Variants in CKAP5 observed in about 807,000 individuals in gnomAD.
The protein encoded by CKAP5 is cytoskeleton associated protein 5.
A neutral mutation model predicts 232.8 loss-of-function variants in CKAP5; 27 were observed. The observed-to-expected ratio is 0.12, with a 90% CI of 0.09 to 0.16. The LOEUF is 0.16. Among genes scored for constraint, CKAP5 ranks in the 10% least tolerant of loss-of-function variants. The probability of loss-of-function intolerance (pLI) is 1.00; values close to 1 mark genes in which losing one functional copy is unlikely to be tolerated. For missense variants in CKAP5, 1,838 were observed against 2,424.7 expected, an observed-to-expected ratio of 0.76 and a Z score of 5.08; for synonymous variants, 785 against 841.1, an observed-to-expected ratio of 0.93 and a Z score of 1.16.
In CKAP5 at chr11:46,778,547, G is replaced by A. The variant is rs1345822111; in HGVS notation, c.2486C>T (p.Thr829Ile). 1 of 1,613,960 alleles carries A rather than the reference G, an allele frequency of 6.2e-7. No homozygotes were observed. Among genetic ancestry groups the A allele is most frequent in the Non-Finnish European group, 8.5e-7 (1 of 1,179,912 alleles). The change falls in exon 21 of 44, where the codon ACA becomes ATA. Residue 829 changes from threonine (T) to isoleucine (I), a missense_variant. Coordinates refer to ENST00000529230, the MANE Select transcript of CKAP5 (RefSeq NM_001008938.4). ...APTRGISKHS[T>I]SGTDEGEDGD... ...ATCTTCTCCTTCATCTGTACCACTT[G>A]TGCTATGCTTGGAAATTCCTCTGGT...
chr11:46,818,177 T>A, intron 3 of CKAP5, 133 bp downstream of exon 3: 1 of 584,414 alleles, frequency 1.7e-6, no homozygotes, highest in Non-Finnish European at 2.7e-6. Flanking sequence ...AAAACAAGTA[T>A]CAAGAAACTA....
chr11:46,763,138 A>G lies in CKAP5; in HGVS notation c.3729T>C (p.Asp1243=), dbSNP rs141885902. ...SEKEGVIGCL[D]LILKWLTLRF... ...TCAGGGTAAGCCACTTTAAGATAAGATCCAGGCAACCAATAACTCCTTCTT... is the reference window on the plus strand; with the variant it reads ...TCAGGGTAAGCCACTTTAAGATAAGGTCCAGGCAACCAATAACTCCTTCTT... The change falls in exon 30 of 44, where the codon GAT becomes GAC. Residue 1243 remains aspartate, a synonymous_variant. Coordinates refer to ENST00000529230, the MANE Select transcript of CKAP5 (RefSeq NM_001008938.4). The G allele has an allele frequency of 3.0e-4, 481 of 1,613,900 alleles. 2 individuals carry two copies. The African/African-American group carries it at 6.0e-3, about 20-fold the overall frequency.
In CKAP5 at chr11:46,767,598, G is replaced by C. The variant is rs764871974; in HGVS notation, c.3388C>G (p.Pro1130Ala). The change falls in exon 27 of 44, where the codon CCA becomes GCA. Residue 1130 changes from proline (P) to alanine (A), a missense_variant. Pro to Ala is a conservative substitution (Grantham distance 27). This residue lies in a region of CKAP5 where 767 missense variants were observed against 954.6 expected (regional missense o/e 0.80). Coordinates refer to ENST00000529230, the MANE Select transcript of CKAP5 (RefSeq NM_001008938.4). ...ACCTTTGCTTTAGAGGATAATCCTGGAGCTTTGGCCTTTTTTGGATCAGGT... is the reference window on the plus strand; with the variant it reads ...ACCTTTGCTTTAGAGGATAATCCTGCAGCTTTGGCCTTTTTTGGATCAGGT... The part of the protein sequence containing the change: ...PKPDPKKAKA[P>A]GLSSKAKSAQ... The C allele has an allele frequency of 6.2e-6, 10 of 1,612,232 alleles. No homozygotes were observed. The South Asian group carries it at 7.7e-5, about 12-fold the overall frequency.
At chr11:46,808,716 T>C (rs927530491) in intron 7 of CKAP5, among the ~76,000 whole-genome samples, 1 of 152,196 alleles carries the variant, frequency 6.6e-6, no homozygotes, top group African/African-American at 2.4e-5. Flanking sequence ...AGGCAAACGT[T>C]AGTAAGCAGA....
rs150264341 is a variant in CKAP5, at chr11:46,809,833, A to C, written c.672T>G (p.Ser224Arg). The C allele has an allele frequency of 6.2e-7, 1 of 1,612,988 alleles. No individual in the cohort carries two copies. Residue 224 changes from serine (S) to arginine (R), a missense_variant, in exon 6 of 44, where the codon AGT (serine) becomes AGG (arginine). Physicochemically the swap from Ser to Arg is moderately radical, Grantham distance 110. Transcript: ENST00000529230. ...GAAGAAATCGAGTAGGTCTAGGAGC[A>C]CTTGTTGGCAGTTTGACCCATTCTT... ...LEEEWVKLPT[S>R]APRPTRFLRS...
At chr11:46,784,428 C>A in intron 17 of CKAP5, 60 bp downstream of exon 17, 1 of 1,375,620 alleles carries the variant, frequency 7.3e-7, no homozygotes, top group South Asian at 1.3e-5. Context: ...AATTAGTAAG[C>A]TTAAAGTTTG....
In CKAP5 at chr11:46,798,494, T is replaced by C. The variant is rs140336784; in HGVS notation, c.1084-322A>G. On this transcript the variant is annotated intron_variant, in intron 9 of 43. Coordinates refer to ENST00000529230, the MANE Select transcript of CKAP5 (RefSeq NM_001008938.4). The stretch of plus-strand genomic sequence containing the variant: ...ACTTGGGAGGCTGAGGTGGGAGGAT[T>C]ACTTGAACCCAGGAGGTCAAAGCTG... Among the ~76,000 whole-genome samples, 419 of 151,288 alleles carry C rather than the reference T, an allele frequency of 2.8e-3. 2 individuals carry two copies. Among genetic ancestry groups the C allele is most frequent in the African/African-American group, 9.6e-3 (397 of 41,186 alleles).
Position 46,818,424 on chromosome 11 carries a change from C to G in CKAP5, c.137G>C (p.Trp46Ser), listed in dbSNP as rs1178005594. The change falls in exon 3 of 44, where the codon TGG (tryptophan) becomes TCG (serine). Residue 46 changes from tryptophan (W) to serine (S), a missense_variant. Physicochemically the swap from Trp to Ser is radical, Grantham distance 177. This residue lies in a region of CKAP5 where 285 missense variants were observed against 300.0 expected (regional missense o/e 0.95). Transcript: ENST00000529230. ...TTTGATCAATCCTAAAAATTTGGAC[C>G]ACTCTGGGCTCTTTTCATCCTTTAT... The part of the protein sequence containing the change: ...QKIKDEKSPE[W>S]SKFLGLIKKF... The G allele has an allele frequency of 6.2e-7, 1 of 1,611,182 alleles. No individual in the cohort carries two copies. Among genetic ancestry groups the G allele is most frequent in the Admixed American group, 1.7e-5 (1 of 59,488 alleles).
intron 20 of CKAP5, among the ~76,000 whole-genome samples, chr11:46,778,910 A>G (rs61897303): frequency 0.15 from 22,589 of 152,104 alleles, 2,559 homozygotes; most frequent in African/African-American, 0.32. Flanking sequence ...CCTCGTCTAT[A>G]CTAAAAATAC....
chr11:46,750,445 G>A lies in CKAP5; in HGVS notation c.5545-12C>T. 1 of 1,613,860 alleles carries A rather than the reference G, an allele frequency of 6.2e-7. No homozygotes were observed. Among genetic ancestry groups the A allele is most frequent in the Non-Finnish European group, 8.5e-7 (1 of 1,179,844 alleles). ...AACTCTGCTAGTCCCTGGTGAACAG[G>A]AAAAGGGAAGAGGTGGGGATGAATG... On this transcript the variant is annotated splice_polypyrimidine_tract_variant and intron_variant, in intron 41 of 43. Transcript: ENST00000529230.
Position 46,762,778 on chromosome 11 carries a change from A to C in CKAP5, c.3892-16T>G. The C allele has an allele frequency of 1.2e-6, 2 of 1,612,446 alleles. No individual in the cohort carries two copies. The highest frequency in any genetic ancestry group is 1.1e-5 in the South Asian group (1 of 90,866). On this transcript the variant is annotated splice_polypyrimidine_tract_variant and intron_variant, in intron 30 of 43. Transcript: ENST00000529230. Reference sequence around the variant, plus strand: ...GTTCTCCAACCTAGTCGATAAGGAAAATAATGATTAAGTGAGGCATTTCCT... The same window carrying C: ...GTTCTCCAACCTAGTCGATAAGGAACATAATGATTAAGTGAGGCATTTCCT...
chr11:46,767,742 T>C (rs150426320), intron 26 of CKAP5, 79 bp from the exon 27 acceptor site: 376 of 856,374 alleles, frequency 4.4e-4, no homozygotes, highest in Non-Finnish European at 5.9e-4. Context: ...TATATAATGA[T>C]GACAAGGAAG....
chr11:46,765,292 G>A, intron 27 of CKAP5, 36 bp from the exon 28 acceptor site: 1 of 1,557,244 alleles, frequency 6.4e-7, no homozygotes, highest in Non-Finnish European at 8.7e-7. Flanking sequence ...GATTAGCTTG[G>A]CCACTTCTCC....
chr11:46,777,981 A>C (rs1167227916), intron 22 of CKAP5, among the ~76,000 whole-genome samples, 158 bp downstream of exon 22: 1 of 152,212 alleles, frequency 6.6e-6, no homozygotes, highest in East Asian at 1.9e-4. Flanking sequence ...AACTACCATC[A>C]TATCTTGAGA....
chr11:46,774,258 A>C (rs908746460), intron 24 of CKAP5, among the ~76,000 whole-genome samples: 1 of 152,186 alleles, frequency 6.6e-6, no homozygotes, highest in Non-Finnish European at 1.5e-5. Flanking sequence ...ATCATGAGCA[A>C]ACTCCCATTC....
At chr11:46,844,501 T>A (rs1395049207) in intron 1 of CKAP5, among the ~76,000 whole-genome samples, 1 of 152,162 alleles carries the variant, frequency 6.6e-6, no homozygotes, top group Non-Finnish European at 1.5e-5. Flanking sequence ...TGCGATGGAA[T>A]TACCACACCC....
intron 40 of CKAP5, 78 bp downstream of exon 40, chr11:46,751,040 C>T: frequency 6.4e-7 from 1 of 1,556,032 alleles, no homozygotes; most frequent in East Asian, 2.3e-5. Context: ...GAAAGCATAT[C>T]CTGGTGACCT....
At chr11:46,781,069 T>G (rs1419971031) in intron 18 of CKAP5, among the ~76,000 whole-genome samples, 1 of 152,144 alleles carries the variant, frequency 6.6e-6, no homozygotes, top group African/African-American at 2.4e-5. Flanking sequence ...ATATTTCCAT[T>G]TGTATGCCTG....
chr11:46,803,580 TTAAA>T (rs1457912560), intron 8 of CKAP5, among the ~76,000 whole-genome samples: 2 of 152,100 alleles, frequency 1.3e-5, no homozygotes, highest in Non-Finnish European at 2.9e-5. Context: ...ATTCTAAAAA[TTAAA>T]TAAAGATTAA....
Sources: gnomAD v4.1 joint callset for allele counts (sites outside exome capture counted in the v4.1 genomes callset) on GRCh38, gnomAD v4.1.1 for gene constraint, gnomAD v4.1.1 regional missense constraint, MANE v1.5 for transcripts, NCBI Gene and HGNC (gene_info 2026-07-23, HGNC 2026-07-21) for gene names.